The following CDH8 variants were observed in gnomAD, a reference collection of about 807,000 sequenced individuals.
CDH8 encodes the protein cadherin-8.
A neutral mutation model predicts 68.1 loss-of-function variants in CDH8; 17 were observed. The ratio of observed to expected loss-of-function variants is 0.25; its 90% CI spans 0.17 to 0.37. The LOEUF (loss-of-function observed/expected upper bound fraction) is 0.37, where lower values mean the gene tolerates loss of function less well. Among genes scored for constraint, CDH8 ranks in the 10% least tolerant of loss-of-function variants. The pLI is 1.00. For missense variants in CDH8, 763 were observed against 999.3 expected (o/e 0.76, Z 3.19); for synonymous variants, 372 against 365.1 (o/e 1.02, Z -0.21).
chr16:61,742,462 T>G (rs1183042943), intron 8 of CDH8, among the ~76,000 whole-genome samples: 1 of 152,124 alleles, frequency 6.6e-6, no homozygotes, highest in Non-Finnish European at 1.5e-5. Flanking sequence ...CACCACTAGA[T>G]CTGATATTTA....
intron 8 of CDH8, among the ~76,000 whole-genome samples, chr16:61,741,345 T>C (rs921848056): frequency 2.0e-5 from 3 of 152,178 alleles, no homozygotes; most frequent in Non-Finnish European, 4.4e-5. Flanking sequence ...TTAATTTTTC[T>C]TTCTCTTAGT....
At chr16:61,669,913 T>G (rs373994446) in intron 10 of CDH8, among the ~76,000 whole-genome samples, 1 of 152,112 alleles carries the variant, frequency 6.6e-6, no homozygotes, top group Non-Finnish European at 1.5e-5. Flanking sequence ...ACTGTTAACC[T>G]GATTTGCATT....
At chr16:61,735,451 C>T (rs1285718202) in intron 8 of CDH8, among the ~76,000 whole-genome samples, 1 of 151,878 alleles carries the variant, frequency 6.6e-6, no homozygotes, top group Admixed American at 6.6e-5. Context: ...GGTTAAGTAC[C>T]CCATAACTCT....
intron 2 of CDH8, among the ~76,000 whole-genome samples, chr16:61,985,132 TAA>T (rs1252439848): frequency 1.3e-5 from 2 of 151,924 alleles, no homozygotes; most frequent in Non-Finnish European, 2.9e-5. Flanking sequence ...TTTTCAAATG[TAA>T]AGACTCTTGA....
intron 3 of CDH8, among the ~76,000 whole-genome samples, chr16:61,877,349 C>T (rs932438653): frequency 6.6e-6 from 1 of 151,602 alleles, no homozygotes; most frequent in Non-Finnish European, 1.5e-5. Flanking sequence ...GAATTCAATC[C>T]TTTGGAAGTT....
At chr16:61,799,415 G>C (rs940112959) in intron 7 of CDH8, among the ~76,000 whole-genome samples, 4 of 151,990 alleles carry the variant, frequency 2.6e-5, no homozygotes, top group Non-Finnish European at 5.9e-5. Flanking sequence ...CCTAATTTTT[G>C]ACCTTTCTGC....
intron 8 of CDH8, among the ~76,000 whole-genome samples, chr16:61,767,877 C>T (rs759778609): frequency 2.3e-4 from 35 of 151,872 alleles, no homozygotes; most frequent in Non-Finnish European, 3.5e-4. Flanking sequence ...AGGTCTGCCT[C>T]AAAGCCTGGC....
At chr16:61,885,122 T>C (rs535886158) in intron 3 of CDH8, among the ~76,000 whole-genome samples, 1 of 152,282 alleles carries the variant, frequency 6.6e-6, no homozygotes, top group East Asian at 1.9e-4. Context: ...AAATCATGCA[T>C]TGTGTATGAG....
At chr16:61,902,991 T>C (rs1964003581) in intron 2 of CDH8, among the ~76,000 whole-genome samples, 1 of 152,188 alleles carries the variant, frequency 6.6e-6, no homozygotes, top group Non-Finnish European at 1.5e-5. Flanking sequence ...TTTATGCACA[T>C]GTTAACATTT....
intron 1 of CDH8, among the ~76,000 whole-genome samples, chr16:62,028,352 G>A (rs1349596975): frequency 2.0e-5 from 3 of 152,032 alleles, no homozygotes; most frequent in African/African-American, 7.2e-5. Context: ...ACAGACGTGA[G>A]CCACCGCGAC....
chr16:61,668,000 G>A (rs1174595880), intron 10 of CDH8, among the ~76,000 whole-genome samples: 1 of 151,888 alleles, frequency 6.6e-6, no homozygotes, highest in East Asian at 1.9e-4. Context: ...TCAAGGATAA[G>A]AGAAAAACAT....
chr16:61,746,629 A>C (rs73575460), intron 8 of CDH8, among the ~76,000 whole-genome samples: 260 of 151,604 alleles, frequency 1.7e-3, no homozygotes, highest in African/African-American at 5.9e-3. Context: ...TTCCCCCAAG[A>C]AAAATAAACT....
In CDH8 at chr16:61,725,014, C is replaced by T. The variant is rs148181423; in HGVS notation, c.1536+2080G>A. 6.2e-3 allele frequency among the ~76,000 whole-genome samples: 930 copies of T among 150,854 alleles called. 10 individuals carry two copies. Among genetic ancestry groups the T allele is most frequent in the African/African-American group, 0.021 (885 of 41,360 alleles). On this transcript the variant is annotated intron_variant, in intron 9 of 11. Transcript: ENST00000577390. ...CAACAACAGCATGTACATCAGTCAG[C>T]CATATGTCCAAAAATGTTGTTAAGT...
At chr16:61,700,040 TTTAA>T (rs1395622379) in intron 10 of CDH8, among the ~76,000 whole-genome samples, 6 of 152,200 alleles carry the variant, frequency 3.9e-5, no homozygotes, top group East Asian at 1.9e-4. Context: ...TTTTATTGTA[TTTAA>T]TTGTCAGTTT....
At chr16:61,783,254 A>G (rs1961134672) in intron 8 of CDH8, among the ~76,000 whole-genome samples, 1 of 115,858 alleles carries the variant, frequency 8.6e-6, no homozygotes, top group Non-Finnish European at 1.7e-5. Flanking sequence ...GAGCTGATGG[A>G]GCTGAAAACC....
chr16:61,718,678 G>T (rs1225598585), intron 9 of CDH8, among the ~76,000 whole-genome samples: 1 of 151,228 alleles, frequency 6.6e-6, no homozygotes, highest in Admixed American at 6.6e-5. Flanking sequence ...ACTTGGGAAA[G>T]AAAGGAATGA....
chr16:61,999,759 A>G (rs1419878612), intron 2 of CDH8, among the ~76,000 whole-genome samples: 1 of 151,896 alleles, frequency 6.6e-6, no homozygotes, highest in African/African-American at 2.4e-5. Context: ...CGTGAGTTAA[A>G]TGTTCTTTGA....
chr16:61,767,002 A>G (rs1960612712), intron 8 of CDH8, among the ~76,000 whole-genome samples: 1 of 151,952 alleles, frequency 6.6e-6, no homozygotes, highest in African/African-American at 2.4e-5. Flanking sequence ...AAAGGAGAGA[A>G]TGGGCATTCT....
intron 10 of CDH8, among the ~76,000 whole-genome samples, chr16:61,687,931 C>T (rs1596867164): frequency 1.3e-5 from 2 of 151,956 alleles, no homozygotes; most frequent in African/African-American, 2.4e-5. Flanking sequence ...AATCAGTTCC[C>T]ACCTCTTAAA....
Sources: gnomAD v4.1 joint callset for allele counts (sites outside exome capture counted in the v4.1 genomes callset) on GRCh38, gnomAD v4.1.1 for gene constraint, MANE v1.5 for transcripts, NCBI Gene and HGNC (gene_info 2026-07-23, HGNC 2026-07-21) for gene names.